NBEA: variants seen among roughly 807,000 people sequenced by gnomAD.
The protein encoded by NBEA is lysosomal-trafficking regulator 2.
NBEA carries 44 observed loss-of-function variants against 343.4 expected under a neutral mutation model. That is an observed-to-expected ratio of 0.13 (90% CI 0.10 to 0.16). The LOEUF (loss-of-function observed/expected upper bound fraction) is 0.16, where lower values mean the gene tolerates loss of function less well. Among genes scored for constraint, NBEA ranks in the 10% least tolerant of loss-of-function variants. The probability of loss-of-function intolerance (pLI) is 1.00; values close to 1 mark genes in which losing one functional copy is unlikely to be tolerated. For synonymous variants in NBEA, 1,175 were observed against 1,238.7 expected, an observed-to-expected ratio of 0.95 and a Z score of 1.08; for missense variants, 2,555 against 3,631.3, an observed-to-expected ratio of 0.70 and a Z score of 7.62.
chr13:34,950,394 A>G (rs1445218647), intron 1 of NBEA, among the ~76,000 whole-genome samples: 1 of 152,088 alleles, frequency 6.6e-6, no homozygotes, highest in South Asian at 2.1e-4. Context: ...GATCCCCTCA[A>G]GTCAGTTTTA....
chr13:35,406,912 A>G (rs1356873177), intron 38 of NBEA, among the ~76,000 whole-genome samples: 5 of 151,492 alleles, frequency 3.3e-5, no homozygotes, highest in African/African-American at 9.7e-5. Context: ...TTACAGTTGC[A>G]TACAGAACCT....
At chr13:35,230,516 A>T (rs1357510997) in intron 33 of NBEA, among the ~76,000 whole-genome samples, 4 of 152,126 alleles carry the variant, frequency 2.6e-5, no homozygotes, top group Non-Finnish European at 5.9e-5. Flanking sequence ...AGCATCAGAA[A>T]CTATTATATC....
intron 49 of NBEA, among the ~76,000 whole-genome samples, chr13:35,635,740 T>C (rs2083665291): frequency 6.6e-6 from 1 of 152,234 alleles, no homozygotes; most frequent in Admixed American, 6.5e-5. Context: ...GGTTTTAATA[T>C]AGAAATTAGT....
At chr13:35,415,390 C>A (rs1233152998) in intron 38 of NBEA, among the ~76,000 whole-genome samples, 1 of 152,114 alleles carries the variant, frequency 6.6e-6, no homozygotes, top group Non-Finnish European at 1.5e-5. Flanking sequence ...GTCTTTAATC[C>A]ATCTTGAATT....
intron 35 of NBEA, among the ~76,000 whole-genome samples, chr13:35,298,001 C>T (rs1410693470): frequency 6.6e-6 from 1 of 151,404 alleles, no homozygotes; most frequent in Non-Finnish European, 1.5e-5. Flanking sequence ...ACTTTTTACT[C>T]CCCCAAAACT....
intron 17 of NBEA, among the ~76,000 whole-genome samples, chr13:35,128,358 T>C (rs1311010331): frequency 1.3e-5 from 2 of 152,098 alleles, no homozygotes; most frequent in South Asian, 2.1e-4. Flanking sequence ...ATAGAAACAT[T>C]CATAAACTAG....
At chr13:34,945,047 A>G (rs1050605007) in intron 1 of NBEA, among the ~76,000 whole-genome samples, 2 of 152,130 alleles carry the variant, frequency 1.3e-5, no homozygotes, top group African/African-American at 2.4e-5. Flanking sequence ...AAAATCTGAC[A>G]TGAAGTTTCA....
At chr13:35,235,828 G>C (rs1303119609) in intron 34 of NBEA, among the ~76,000 whole-genome samples, 7 of 152,104 alleles carry the variant, frequency 4.6e-5, no homozygotes, top group Non-Finnish European at 8.8e-5. Flanking sequence ...TGAGTGGAAA[G>C]ACCATTAAGA....
intron 38 of NBEA, among the ~76,000 whole-genome samples, chr13:35,355,450 G>T (rs1444223831): frequency 6.6e-6 from 1 of 152,044 alleles, no homozygotes; most frequent in Admixed American, 6.6e-5. Flanking sequence ...AATGAAAAAC[G>T]TGATGCCTCA....
chr13:35,271,814 T>G (rs141578471), intron 34 of NBEA, among the ~76,000 whole-genome samples: 5,622 of 150,806 alleles, frequency 0.037, 150 homozygotes, highest in Non-Finnish European at 0.054. Flanking sequence ...GAAAAAAGAG[T>G]GAAAAGAAAT....
chr13:35,668,973 G>T (rs929360548), intron 58 of NBEA, among the ~76,000 whole-genome samples: 3 of 152,140 alleles, frequency 2.0e-5, no homozygotes, highest in Non-Finnish European at 4.4e-5. Flanking sequence ...AACAGCATGC[G>T]GCACTCACGC....
Position 35,583,812 on chromosome 13 carries a change from C to T in NBEA, c.7036-86C>T, listed in dbSNP as rs570589953. 6.4e-5 allele frequency: 61 copies of T among 951,942 alleles called. No individual in the cohort carries two copies. In the African/African-American group the frequency reaches 8.8e-4, roughly 14 times the overall value. 59.0% of individuals were successfully genotyped at this position (951,942 alleles called of 1,614,324 possible). Reference sequence around the variant, plus strand: ...ATGCTGTATGGCTAAAATGAATTAACAGTGAAATACTGAAAGTATAAAGAT... The same window carrying T: ...ATGCTGTATGGCTAAAATGAATTAATAGTGAAATACTGAAAGTATAAAGAT... On this transcript the variant is annotated intron_variant, in intron 45 of 58. Transcript: ENST00000379939.
chr13:35,399,732 G>T (rs1437604878), intron 38 of NBEA, among the ~76,000 whole-genome samples: 1 of 152,028 alleles, frequency 6.6e-6, no homozygotes, highest in Non-Finnish European at 1.5e-5. Flanking sequence ...CCTCGCTTTT[G>T]GCCTGTTTCA....
chr13:35,068,612 A>T (rs1485825198), intron 8 of NBEA, among the ~76,000 whole-genome samples: 4 of 152,188 alleles, frequency 2.6e-5, no homozygotes, highest in Admixed American at 2.0e-4. Context: ...TACAGCATAC[A>T]CAAATTTTTA....
intron 41 of NBEA, among the ~76,000 whole-genome samples, chr13:35,542,724 G>C (rs1158085270): frequency 6.6e-6 from 1 of 151,872 alleles, no homozygotes; most frequent in African/African-American, 2.4e-5. Context: ...ATTTTAAAAA[G>C]ACGTGATATC....
chr13:35,544,100 A>G (rs1019113082), intron 41 of NBEA, among the ~76,000 whole-genome samples: 7 of 152,342 alleles, frequency 4.6e-5, no homozygotes, highest in Middle Eastern at 6.8e-3. Context: ...TGAAATTATA[A>G]AAGTAATAGG....
In NBEA at chr13:35,044,835, G is replaced by T. The variant is rs1450313020; in HGVS notation, c.527-112G>T. 801 of 532,232 alleles carry T rather than the reference G, an allele frequency of 1.5e-3. 1 individual carries two copies. The highest frequency in any genetic ancestry group is 0.011 in the African/African-American group (541 of 50,822). The allele number at this position is 532,232 out of a possible 1,614,324, so 33.0% of individuals were successfully genotyped here. A position where few individuals can be genotyped will look rare whatever the true frequency, so the allele number is the denominator to read the frequency against. The stretch of plus-strand genomic sequence containing the variant: ...AGATACATATATATATATATAGAGA[G>T]AGAGAGAGAGAGAGAGATAACAATG... On this transcript the variant is annotated intron_variant, in intron 2 of 58. Transcript: ENST00000379939.
intron 27 of NBEA, among the ~76,000 whole-genome samples, chr13:35,174,846 G>C (rs2070752260): frequency 1.3e-5 from 2 of 151,344 alleles, no homozygotes; most frequent in South Asian, 4.2e-4. Context: ...AGGGTGGAGT[G>C]GAGTGGCATG....
chr13:35,290,155 G>A (rs2035710803), intron 34 of NBEA, among the ~76,000 whole-genome samples: 1 of 151,640 alleles, frequency 6.6e-6, no homozygotes, highest in African/African-American at 2.4e-5. Context: ...ACATCATCTT[G>A]TGACAAACCC....
Sources: allele counts gnomAD v4.1 joint callset (sites outside exome capture counted in the v4.1 genomes callset), GRCh38; gene constraint gnomAD v4.1.1; transcripts MANE v1.5; gene names NCBI Gene and HGNC (gene_info 2026-07-23, HGNC 2026-07-21).